Variants in GOLPH3L observed in about 807,000 individuals in gnomAD.
GOLPH3L encodes the protein Golgi phosphoprotein 3-like.
A neutral mutation model predicts 30.3 loss-of-function variants in GOLPH3L; 22 were observed. The observed-to-expected ratio is 0.73, with a 90% CI of 0.52 to 1.04. The LOEUF (loss-of-function observed/expected upper bound fraction) is 1.04, where lower values mean the gene tolerates loss of function less well. Ranked by LOEUF, GOLPH3L falls within the 50% of genes least tolerant of loss-of-function variation. The pLI is 0.00. For synonymous variants in GOLPH3L, 120 were observed against 128.2 expected (o/e 0.94, Z 0.43); for missense variants, 303 against 345.8 (o/e 0.88, Z 0.98).
chr1:150,694,602 A>T, intron 2 of GOLPH3L, 54 bp downstream of exon 2: 1 of 1,123,310 alleles, frequency 8.9e-7, no homozygotes, highest in South Asian at 1.6e-5. Flanking sequence ...ACTTCCTAAA[A>T]CATTCCAATA....
intron 4 of GOLPH3L, among the ~76,000 whole-genome samples, chr1:150,649,625 C>A (rs1271088163): frequency 6.6e-6 from 1 of 152,172 alleles, no homozygotes; most frequent in Non-Finnish European, 1.5e-5. Context: ...GTTGGGAAGA[C>A]TGTGTGCTTG....
rs765296913 is a variant in GOLPH3L at position 150,663,761 on chromosome 1, C to A, written c.186G>T (p.Gly62=). Residue 62 remains glycine (G), a splice_region_variant and synonymous_variant, in exon 3 of 5, where the codon GGG becomes GGT. Transcript: ENST00000271732. ...VLLLGLKDKE[G]YTSFWNDCIS... ...TGCAGTCATTCCAGAAAGATGTGTA[C>A]CCCTAGGAAAGGAGAAAAGAGAAGA... 6 of 1,612,292 alleles carry A rather than the reference C, an allele frequency of 3.7e-6. No individual in the cohort carries two copies. The highest frequency in any genetic ancestry group is 4.2e-6 in the Non-Finnish European group (5 of 1,178,804).
intron 2 of GOLPH3L, among the ~76,000 whole-genome samples, chr1:150,678,571 T>C (rs1486537205): frequency 6.6e-6 from 1 of 152,206 alleles, no homozygotes. Flanking sequence ...TTTATCTGAA[T>C]GTATGCAGAG....
intron 2 of GOLPH3L, among the ~76,000 whole-genome samples, chr1:150,666,627 C>T (rs1650514245): frequency 6.6e-6 from 1 of 152,142 alleles, no homozygotes; most frequent in African/African-American, 2.4e-5. Context: ...CATGAGCCAC[C>T]AGCCTGGCCT....
chr1:150,684,988 A>C (rs1487479461), intron 2 of GOLPH3L, among the ~76,000 whole-genome samples: 2 of 152,168 alleles, frequency 1.3e-5, no homozygotes, highest in Non-Finnish European at 2.9e-5. Context: ...AATTATAATT[A>C]AATATTATTT....
At chr1:150,673,791 G>A (rs141319238) in intron 2 of GOLPH3L, among the ~76,000 whole-genome samples, 36 of 150,928 alleles carry the variant, frequency 2.4e-4, no homozygotes, top group African/African-American at 8.5e-4. Context: ...AAAACTGGCC[G>A]GGTGCGTCTG....
chr1:150,648,640 A>C lies in GOLPH3L; in HGVS notation c.539T>G (p.Phe180Cys), dbSNP rs1456248174. The stretch of plus-strand genomic sequence containing the variant: ...ATGAGTAGTCATGTCAAATAGCAGG[A>C]AATTCTGCTTCTCAGTGGTTAGAAT... ...KGILTTEKQN[F>C]LLFDMTTHPV... is the part of the protein sequence containing the mutation. Residue 180 changes from phenylalanine to cysteine, a missense_variant, in exon 5 of 5, where the codon TTC becomes TGC. By Grantham distance (205) the Phe-to-Cys change is radical. Coordinates refer to ENST00000271732, the MANE Select transcript of GOLPH3L (RefSeq NM_018178.6). 10 of 1,613,556 alleles carry C rather than the reference A, an allele frequency of 6.2e-6. No homozygotes were observed. Among genetic ancestry groups the C allele is most frequent in the Non-Finnish European group, 8.5e-6 (10 of 1,179,636 alleles).
intron 4 of GOLPH3L, among the ~76,000 whole-genome samples, chr1:150,650,970 G>A (rs1650091072): frequency 6.6e-6 from 1 of 152,108 alleles, no homozygotes; most frequent in South Asian, 2.1e-4. Context: ...AAGACCTAAG[G>A]GAAACCATGA....
rs755246639 is a variant in GOLPH3L, at chr1:150,663,781, A to G, written c.184-18T>C. On this transcript the variant is annotated intron_variant, in intron 2 of 4. Transcript: ENST00000271732. Reference sequence around the variant, plus strand: ...GTGTACCCCTAGGAAAGGAGAAAAGAGAAGAGAAAGAATGTTTTGAGAGGA... The same window carrying G: ...GTGTACCCCTAGGAAAGGAGAAAAGGGAAGAGAAAGAATGTTTTGAGAGGA... The G allele has an allele frequency of 3.1e-6, 5 of 1,609,276 alleles. No homozygotes were observed. The highest frequency in any genetic ancestry group is 2.2e-5 in the East Asian group (1 of 44,796).
intron 1 of GOLPH3L, 142 bp from the exon 2 acceptor site, chr1:150,694,992 G>A (rs1409076789): frequency 1.6e-5 from 9 of 576,554 alleles, no homozygotes; most frequent in Non-Finnish European, 2.7e-5. Flanking sequence ...GTAATGACCA[G>A]AAAAAAATGG....
intron 2 of GOLPH3L, among the ~76,000 whole-genome samples, chr1:150,681,910 T>C (rs901123957): frequency 1.3e-5 from 2 of 151,898 alleles, no homozygotes; most frequent in African/African-American, 4.8e-5. Context: ...CTACTAAAAA[T>C]ACAAAAATTA....
intron 2 of GOLPH3L, among the ~76,000 whole-genome samples, chr1:150,688,805 A>G (rs1651147685): frequency 6.6e-6 from 1 of 151,958 alleles, no homozygotes; most frequent in Non-Finnish European, 1.5e-5. Flanking sequence ...CTTTCCCAAC[A>G]TCTCTTCTTC....
intron 2 of GOLPH3L, among the ~76,000 whole-genome samples, chr1:150,681,251 C>A (rs1437987437): frequency 2.0e-5 from 3 of 151,838 alleles, no homozygotes; most frequent in Non-Finnish European, 4.4e-5. Context: ...AAAATGGAGC[C>A]CAAGTCATAT....
chr1:150,677,789 T>C (rs12085275), intron 2 of GOLPH3L, among the ~76,000 whole-genome samples: 58,281 of 151,248 alleles, frequency 0.39, 11,538 homozygotes, highest in South Asian at 0.55. Context: ...CCATGCCCAT[T>C]TAATCTTTTA....
chr1:150,667,880 C>T (rs1650546288), intron 2 of GOLPH3L, among the ~76,000 whole-genome samples: 1 of 152,132 alleles, frequency 6.6e-6, no homozygotes, highest in South Asian at 2.1e-4. Context: ...AGGAGTGAGC[C>T]ACCACGCCCG....
chr1:150,653,499 T>C (rs587710331), intron 4 of GOLPH3L, among the ~76,000 whole-genome samples: 8 of 150,144 alleles, frequency 5.3e-5, no homozygotes, highest in African/African-American at 1.7e-4. Flanking sequence ...TCTTGCTTTG[T>C]TGCCAGGCTG....
chr1:150,664,962 A>G (rs587762503), intron 2 of GOLPH3L, among the ~76,000 whole-genome samples: 1 of 152,302 alleles, frequency 6.6e-6, no homozygotes, highest in Admixed American at 6.5e-5. Flanking sequence ...AGGCACTTAA[A>G]ATGTTAGCTC....
At chr1:150,683,037 C>G (rs1029409263) in intron 2 of GOLPH3L, among the ~76,000 whole-genome samples, 3 of 152,172 alleles carry the variant, frequency 2.0e-5, no homozygotes, top group African/African-American at 4.8e-5. Context: ...AATCCCTATG[C>G]TTCTGTAGGA....
intron 2 of GOLPH3L, among the ~76,000 whole-genome samples, chr1:150,669,992 C>A (rs139509215): frequency 2.7e-5 from 4 of 146,784 alleles, no homozygotes; most frequent in Non-Finnish European, 3.0e-5. Context: ...CCGGCGTGGT[C>A]GCTCAGGACT....
Sources: gnomAD v4.1 joint callset for allele counts (sites outside exome capture counted in the v4.1 genomes callset) on GRCh38, gnomAD v4.1.1 for gene constraint, MANE v1.5 for transcripts, NCBI Gene and HGNC (gene_info 2026-07-23, HGNC 2026-07-21) for gene names.